MMP28: variants seen among roughly 807,000 people sequenced by gnomAD.
MMP28 encodes the protein matrix metallopeptidase 28, also known as matrix metalloproteinase-28.
MMP28 carries 55 observed loss-of-function variants against 60.5 expected under a neutral mutation model. That is an observed-to-expected ratio of 0.91 (90% CI 0.73 to 1.14). MMP28 has a LOEUF of 1.14. MMP28 is among the 50% of genes most tolerant of loss of function. The pLI is 0.00. For synonymous variants in MMP28, 318 were observed against 312.5 expected (o/e 1.02, Z -0.18); for missense variants, 686 against 738.3 (o/e 0.93, Z 0.82).
chr17:35,763,663 G>A (rs587600451), downstream of MMP28, among the ~76,000 whole-genome samples: 74 of 151,834 alleles, frequency 4.9e-4, no homozygotes, highest in African/African-American at 1.7e-3. Context: ...TTGGGAGGCC[G>A]AAAAGGGCAA....
rs568782769 is a variant in MMP28 at position 35,767,529 on chromosome 17, T to C, written c.1168+223A>G. 3.9e-5 allele frequency among the ~76,000 whole-genome samples: 6 copies of C among 152,280 alleles called. 1 individual carries two copies. Among genetic ancestry groups the C allele is most frequent in the African/African-American group, 1.2e-4 (5 of 41,562 alleles). ...AGTCCTCTGCTTCCCTCTAGACTCC[T>C]CTCTGAAACTCTCCCTGGGACTTTG... is the stretch of plus-strand genomic sequence containing the variant. On this transcript the variant is annotated intron_variant, in intron 7 of 7. Transcript: ENST00000605424.
In MMP28 at chr17:35,773,325, GC is replaced by G; in HGVS notation, c.458del (p.Gly153AlafsTer74). 1 of 1,612,834 alleles carries G rather than the reference GC, an allele frequency of 6.2e-7. No homozygotes were observed. Among genetic ancestry groups the G allele is most frequent in the African/African-American group, 1.3e-5 (1 of 75,062 alleles). ...PEHLPEPAVR[G>X]AVRAAFQLWS... ...ACAACTGGAAGGCGGCGCGCACGGC[GC>G]CCCGAACTGCCGGCTCCGGCAGATG... On this transcript the variant is annotated frameshift_variant, in exon 4 of 8. Coordinates refer to ENST00000605424, the MANE Select transcript of MMP28 (RefSeq NM_024302.5). LOFTEE classifies it high-confidence loss of function.
chr17:35,777,141 C>T (rs188278066), intron 3 of MMP28, among the ~76,000 whole-genome samples: 4 of 152,342 alleles, frequency 2.6e-5, no homozygotes, highest in East Asian at 3.9e-4. Context: ...GCCTATGTCT[C>T]GGATGAAGGA....
At chr17:35,768,145 T>C in intron 6 of MMP28, 85 bp downstream of exon 6, 2 of 1,478,736 alleles carry the variant, frequency 1.4e-6, no homozygotes, top group Non-Finnish European at 9.1e-7. Flanking sequence ...TTACAGTCCA[T>C]CCCCCCAACT....
At chr17:35,780,348 G>A (rs991005373) in intron 1 of MMP28, among the ~76,000 whole-genome samples, 10 of 152,066 alleles carry the variant, frequency 6.6e-5, no homozygotes, top group South Asian at 4.1e-4. Context: ...GATTACAGGC[G>A]TAAGCCACCG....
intron 1 of MMP28, among the ~76,000 whole-genome samples, chr17:35,783,609 C>T (rs2086567636): frequency 6.6e-6 from 1 of 152,210 alleles, no homozygotes; most frequent in Non-Finnish European, 1.5e-5. Context: ...CCTTGTGCCT[C>T]TCTCCACAAA....
chr17:35,788,039 C>T (rs1239226989), intron 1 of MMP28, among the ~76,000 whole-genome samples: 4 of 151,430 alleles, frequency 2.6e-5, no homozygotes, highest in South Asian at 2.1e-4. Flanking sequence ...CTGAGTAGCT[C>T]GGACTACAGG....
intron 2 of MMP28, chr17:35,757,990 GCAAAA>G (rs1203062695): frequency 2.0e-5 from 3 of 152,068 alleles, no homozygotes; most frequent in Non-Finnish European, 4.4e-5. Flanking sequence ...TATGGCCCAG[GCAAAA>G]CTAATATTGC....
intron 4 of MMP28, among the ~76,000 whole-genome samples, chr17:35,771,659 A>G (rs1389432566): frequency 1.5e-5 from 2 of 131,746 alleles, no homozygotes; most frequent in Non-Finnish European, 3.2e-5. Flanking sequence ...TTTTATATAT[A>G]CTTTTGTTAA....
At chr17:35,770,021 G>C (rs1555604791) in intron 5 of MMP28, 46 bp downstream of exon 5, 2 of 1,498,046 alleles carry the variant, frequency 1.3e-6, no homozygotes, top group African/African-American at 1.4e-5. Flanking sequence ...AGGAGGCCTT[G>C]GGGGCAGGAG....
At position 35,766,253 on chromosome 17, in the gene MMP28, A is replaced by G. The variant is rs1598413509; in HGVS notation, c.*247T>C. ...ATAGAAGTCCTCGGAGGAAAGGGCC[A>G]AGGGATCTGGGACCCTTTTTTGCTT... On this transcript the variant is annotated 3_prime_UTR_variant, in exon 8 of 8. Coordinates refer to ENST00000605424, the MANE Select transcript of MMP28 (RefSeq NM_024302.5). The surrounding 1 kb of genome is among the most constrained non-coding windows in gnomAD (Gnocchi z 4.3). The G allele has an allele frequency of 7.7e-7, 1 of 1,293,724 alleles. No individual in the cohort carries two copies. The highest frequency in any genetic ancestry group is 3.0e-4 in the Middle Eastern group (1 of 3,382). 80.1% of individuals were successfully genotyped at this position (1,293,724 alleles called of 1,614,324 possible).
At chr17:35,770,736 G>A (rs952309673) in intron 4 of MMP28, among the ~76,000 whole-genome samples, 2 of 152,002 alleles carry the variant, frequency 1.3e-5, no homozygotes, top group African/African-American at 4.8e-5. Flanking sequence ...GTGTGTGTGT[G>A]TGTGTGTGTA....
intron 1 of MMP28, among the ~76,000 whole-genome samples, chr17:35,784,577 A>G (rs2086596744): frequency 6.6e-6 from 1 of 152,072 alleles, no homozygotes. Context: ...GGTAAGAGAA[A>G]TGGTCTACTC....
At chr17:35,770,452 A>C in intron 4 of MMP28, 140 bp from the exon 5 acceptor site, 3 of 1,152,866 alleles carry the variant, frequency 2.6e-6, no homozygotes, top group Non-Finnish European at 3.5e-6. Flanking sequence ...CAGAACCTGA[A>C]GTGTGCAGAG....
chr17:35,787,651 G>A (rs1487867779), intron 1 of MMP28, among the ~76,000 whole-genome samples: 2 of 151,992 alleles, frequency 1.3e-5, no homozygotes, highest in African/African-American at 4.8e-5. Flanking sequence ...CACCATGCCC[G>A]GCTAATTTCG....
At chr17:35,760,330 C>G (rs1348517705) in intron 2 of MMP28, among the ~76,000 whole-genome samples, 2 of 152,208 alleles carry the variant, frequency 1.3e-5, no homozygotes, top group Admixed American at 1.3e-4. Context: ...CCCCTGCCCC[C>G]CAACAAATAC....
In MMP28 at chr17:35,766,816, CG is replaced by C. The variant is rs1246595292; in HGVS notation, c.1246del (p.Arg416AlafsTer136). ...GAAGAAGAGGGCGGCGTCAGGATGG[CG>C]GGGCAGGCCCCCTGCCCGGCACAGC... ...PQLCRAGGLP[R>X]HPDAALFFPP... On this transcript the variant is annotated frameshift_variant, in exon 8 of 8. Coordinates refer to ENST00000605424, the MANE Select transcript of MMP28 (RefSeq NM_024302.5). LOFTEE classifies it high-confidence loss of function. The surrounding 1 kb of genome is among the most constrained non-coding windows in gnomAD (Gnocchi z 4.3). 14 of 1,573,580 alleles carry C rather than the reference CG, an allele frequency of 8.9e-6. No individual in the cohort carries two copies. Among genetic ancestry groups the C allele is most frequent in the Non-Finnish European group, 1.2e-5 (14 of 1,160,256 alleles).
At chr17:35,768,072 C>T (rs1555604184) in intron 6 of MMP28, among the ~76,000 whole-genome samples, 153 bp from the exon 7 acceptor site, 1 of 152,106 alleles carries the variant, frequency 6.6e-6, no homozygotes, top group Non-Finnish European at 1.5e-5. Flanking sequence ...CAGGAAGAAG[C>T]GGTGTTTTGC....
At chr17:35,764,340 C>T (rs2085890395), downstream of MMP28, 1 of 1,463,030 alleles carries the variant, frequency 6.8e-7, no homozygotes, top group Non-Finnish European at 9.0e-7. Context: ...CTGCGCGCTC[C>T]TCGACCGGGG....
Sources: gnomAD v4.1 joint callset for allele counts (sites outside exome capture counted in the v4.1 genomes callset) on GRCh38, gnomAD v4.1.1 for gene constraint, Gnocchi (gnomAD v3.1) non-coding constraint, MANE v1.5 for transcripts, NCBI Gene and HGNC (gene_info 2026-07-23, HGNC 2026-07-21) for gene names.